Variants in ZBTB40 observed in about 807,000 individuals in gnomAD.
ZBTB40 encodes the protein zinc finger and BTB domain containing 40.
In ZBTB40, 60 loss-of-function variants were observed where a neutral mutation model predicts 117.5. The observed-to-expected ratio is 0.51, with a 90% CI of 0.41 to 0.63. ZBTB40 has a LOEUF of 0.63. Ranked by LOEUF, ZBTB40 falls within the 30% of genes least tolerant of loss-of-function variation. The pLI, the probability that ZBTB40 is intolerant of heterozygous loss-of-function variation, is 0.00. For synonymous variants in ZBTB40, 525 were observed against 577.1 expected, an observed-to-expected ratio of 0.91 and a Z score of 1.29; for missense variants, 1,287 against 1,498.5, an observed-to-expected ratio of 0.86 and a Z score of 2.33.
intron 15 of ZBTB40, 127 bp from the exon 16 acceptor site, chr1:22,522,250 T>C (rs1271614098): frequency 1.1e-6 from 1 of 870,712 alleles, no homozygotes; most frequent in South Asian, 1.3e-5. Context: ...GGTTATAAGA[T>C]TCCTGGCACT....
chr1:22,513,104 A>G lies in ZBTB40; in HGVS notation c.2642A>G (p.Tyr881Cys), dbSNP rs1296946153. The G allele has an allele frequency of 6.2e-7, 1 of 1,614,096 alleles. No homozygotes were observed. Among genetic ancestry groups the G allele is most frequent in the Non-Finnish European group, 8.5e-7 (1 of 1,179,992 alleles). Residue 881 changes from tyrosine to cysteine, a missense_variant, in exon 12 of 18, where the codon TAT becomes TGT. Physicochemically the swap from Tyr to Cys is radical, Grantham distance 194 (BLOSUM62 -2). Around this residue, in one of 2 missense-constraint regions of ZBTB40, gnomAD observed 417 missense variants for 564.1 expected, o/e 0.74. Coordinates refer to ENST00000375647, the MANE Select transcript of ZBTB40 (RefSeq NM_014870.4). The surrounding 1 kb of genome is among the most constrained non-coding windows in gnomAD (Gnocchi z 4.9). ...MTFTQASALA[Y>C]HTKKKHSEGK... ...TTCACCCAGGCCTCCGCCCTGGCCT[A>G]TCACACCAAGAAGAAGCACTCAGAA...
rs200318921 is a variant in ZBTB40, at chr1:22,502,391, G to C, written c.1117G>C (p.Glu373Gln). 1.2e-6 allele frequency: 2 copies of C among 1,614,076 alleles called. No individual in the cohort carries two copies. The highest frequency in any genetic ancestry group is 3.3e-5 in the Admixed American group (2 of 60,028). ...QCVTQLRPIM[E>Q]SLETAKEEFL... ...TGTAACACAGCTGAGACCTATTATG[G>C]AGTCCCTGGAAACAGCCAAGGAGGA... Residue 373 changes from glutamate (E) to glutamine (Q), a missense_variant, in exon 5 of 18, where the codon GAG becomes CAG. Glu to Gln is a conservative substitution (Grantham distance 29). Transcript: ENST00000375647.
rs929780178 is a variant in ZBTB40 at position 22,489,835 on chromosome 1, A to G, written c.-69-45A>G. 7 of 965,784 alleles carry G rather than the reference A, an allele frequency of 7.2e-6. No individual in the cohort carries two copies. In the East Asian group the frequency reaches 1.4e-4, roughly 20 times the overall value. The allele number at this position is 965,784 out of a possible 1,614,324, so 59.8% of individuals were successfully genotyped here. ...AGCGTTTCATTCAAGGCCTTTCCCT[A>G]TGGTTTTTTGAAGTTTTAACCTGGT... is the stretch of plus-strand genomic sequence containing the variant. On this transcript the variant is annotated intron_variant, in intron 1 of 17. Coordinates refer to ENST00000375647, the MANE Select transcript of ZBTB40 (RefSeq NM_014870.4).
At chr1:22,441,977 A>C (rs892904975) in intron 1 of ZBTB40, among the ~76,000 whole-genome samples, 3 of 151,818 alleles carry the variant, frequency 2.0e-5, no homozygotes, top group African/African-American at 7.3e-5. Flanking sequence ...TTTCATTTTC[A>C]TTCTTCTCTA....
rs755393901 is a variant in ZBTB40, at chr1:22,508,156, CAGAG to C, written c.1497+20_1497+23del. On this transcript the variant is annotated intron_variant, in intron 7 of 17. Coordinates refer to ENST00000375647, the MANE Select transcript of ZBTB40 (RefSeq NM_014870.4). ...AAGAGAGGTAAGAGAGGGAGAGAAA[CAGAG>C]GGAGGGGAGGGTAAAATGAGAAAGA... 22 of 1,612,198 alleles carry C rather than the reference CAGAG, an allele frequency of 1.4e-5. No individual in the cohort carries two copies. The highest frequency in any genetic ancestry group is 1.6e-4 in the Middle Eastern group (1 of 6,084).
At chr1:22,508,945 G>A (rs1194978857) in intron 8 of ZBTB40, among the ~76,000 whole-genome samples, 155 bp from the exon 9 acceptor site, 1 of 152,172 alleles carries the variant, frequency 6.6e-6, no homozygotes, top group Non-Finnish European at 1.5e-5. Context: ...ATTATACTCT[G>A]ATTACAGTGC....
At position 22,526,440 on chromosome 1, in the gene ZBTB40, A is replaced by G. The variant is rs771891909; in HGVS notation, c.*44A>G. The G allele has an allele frequency of 6.2e-7, 1 of 1,611,318 alleles. No homozygotes were observed. Among genetic ancestry groups the G allele is most frequent in the Middle Eastern group, 2.0e-4 (1 of 4,980 alleles). ...GAGCCTTCCTGCGTTTGCAGCAGAG[A>G]GGAGGCCCCACAGCTTGCCCTTTGC... On this transcript the variant is annotated 3_prime_UTR_variant, in exon 18 of 18. Coordinates refer to ENST00000375647, the MANE Select transcript of ZBTB40 (RefSeq NM_014870.4).
intron 1 of ZBTB40, among the ~76,000 whole-genome samples, chr1:22,480,058 C>A (rs564343934): frequency 7.3e-4 from 111 of 152,136 alleles, no homozygotes; most frequent in Non-Finnish European, 1.1e-3. Flanking sequence ...AGGCACCCCC[C>A]CACCACGCCA....
chr1:22,493,489 A>T (rs1421877080), intron 3 of ZBTB40, among the ~76,000 whole-genome samples: 1 of 152,126 alleles, frequency 6.6e-6, no homozygotes, highest in Non-Finnish European at 1.5e-5. Context: ...TTGAGCTATG[A>T]CTGACATGCA....
chr1:22,451,651 A>G (rs574067930), upstream of ZBTB40, among the ~76,000 whole-genome samples: 26 of 152,140 alleles, frequency 1.7e-4, no homozygotes, highest in African/African-American at 5.3e-4. Context: ...CATCTCAAAA[A>G]AAAAAAAAAG....
intron 3 of ZBTB40, among the ~76,000 whole-genome samples, chr1:22,499,685 A>T (rs1638874043): frequency 1.3e-5 from 2 of 152,302 alleles, no homozygotes; most frequent in South Asian, 4.1e-4. Context: ...TGACTGAAAA[A>T]CACAGGAAAC....
chr1:22,513,209 TATATCTCAAAA>T lies in ZBTB40; in HGVS notation c.2668+81_2668+91del. 6.7e-7 allele frequency: 1 copy of T among 1,497,634 alleles called. No individual in the cohort carries two copies. The highest frequency in any genetic ancestry group is 1.2e-5 in the South Asian group (1 of 83,434). The allele number at this position is 1,497,634 out of a possible 1,614,324, so 92.8% of individuals were successfully genotyped here. On this transcript the variant is annotated intron_variant, in intron 12 of 17. Transcript: ENST00000375647. The surrounding 1 kb of genome is among the most constrained non-coding windows in gnomAD (Gnocchi z 4.9). ...AACCCCATTTGGATTAGGTGTGATA[TATATCTCAAAA>T]ACAAAACAATTTGATAGCACAACAG...
intron 12 of ZBTB40, among the ~76,000 whole-genome samples, chr1:22,516,902 T>TGAATC (rs1639386152): frequency 6.6e-6 from 1 of 152,140 alleles, no homozygotes; most frequent in Admixed American, 6.5e-5. Context: ...TCCACGACTC[T>TGAATC]CACCTTTGTG....
In ZBTB40 at chr1:22,512,045, C is replaced by T. The variant is rs148301324; in HGVS notation, c.2372C>T (p.Ala791Val). 402 of 1,614,092 alleles carry T rather than the reference C, an allele frequency of 2.5e-4. 4 individuals carry two copies. In the East Asian group the frequency reaches 8.0e-3, roughly 32 times the overall value. Reference protein sequence around the residue: ...LDKHQLEAHGAGGEPDAPKKK... With the variant: ...LDKHQLEAHGVGGEPDAPKKK... Reference sequence around the variant, plus strand: ...AAACATCAGCTGGAGGCCCATGGTGCAGGTGGAGAGCCCGATGCCCCCAAG... The same window carrying T: ...AAACATCAGCTGGAGGCCCATGGTGTAGGTGGAGAGCCCGATGCCCCCAAG... The change falls in exon 11 of 18, where the codon GCA becomes GTA. Residue 791 changes from alanine (A) to valine (V), a missense_variant. Ala to Val is a moderately conservative substitution (Grantham distance 64). This residue lies in a region of ZBTB40 where 870 missense variants were observed against 934.4 expected (regional missense o/e 0.93). Coordinates refer to ENST00000375647, the MANE Select transcript of ZBTB40 (RefSeq NM_014870.4).
At chr1:22,450,802 A>G (rs1265995626), upstream of ZBTB40, among the ~76,000 whole-genome samples, 1 of 152,108 alleles carries the variant, frequency 6.6e-6, no homozygotes, top group East Asian at 1.9e-4. Flanking sequence ...TCAGCCAGAG[A>G]CAGCTCTCAG....
intron 3 of ZBTB40, among the ~76,000 whole-genome samples, chr1:22,493,666 A>G (rs1022019296): frequency 3.9e-5 from 6 of 152,106 alleles, no homozygotes; most frequent in Admixed American, 3.3e-4. Flanking sequence ...TGCCCTGGGT[A>G]ACCACTGGTC....
chr1:22,497,372 A>T (rs1569848296), intron 3 of ZBTB40, among the ~76,000 whole-genome samples: 1 of 152,166 alleles, frequency 6.6e-6, no homozygotes, highest in Non-Finnish European at 1.5e-5. Context: ...TGTCAAATGC[A>T]GATCTGTGTT....
At chr1:22,477,484 A>G (rs190964990) in intron 1 of ZBTB40, among the ~76,000 whole-genome samples, 10 of 152,210 alleles carry the variant, frequency 6.6e-5, no homozygotes, top group Admixed American at 5.9e-4. Context: ...CCCCGTCTCT[A>G]CTAAAGATAC....
intron 1 of ZBTB40, among the ~76,000 whole-genome samples, chr1:22,476,072 AT>A (rs935919441): frequency 6.6e-6 from 1 of 152,190 alleles, no homozygotes; most frequent in Admixed American, 6.5e-5. Flanking sequence ...CACTTTATTG[AT>A]TTAAGCAACG....
Sources: gnomAD v4.1 joint callset for allele counts (sites outside exome capture counted in the v4.1 genomes callset) on GRCh38, gnomAD v4.1.1 for gene constraint, gnomAD v4.1.1 regional missense constraint, Gnocchi (gnomAD v3.1) non-coding constraint, MANE v1.5 for transcripts, NCBI Gene and HGNC (gene_info 2026-07-23, HGNC 2026-07-21) for gene names.